CABIN1: variants seen among roughly 807,000 people sequenced by gnomAD.
CABIN1 encodes calcineurin binding protein 1, also known as calcineurin-binding protein cabin-1.
CABIN1 carries 133 observed loss-of-function variants against 227.7 expected under a neutral mutation model. The observed-to-expected ratio is 0.58, with a 90% confidence interval of 0.51 to 0.67. CABIN1 has a LOEUF of 0.67. Among genes scored for constraint, CABIN1 ranks in the 30% least tolerant of loss-of-function variants. The probability of loss-of-function intolerance (pLI) is 0.00; values close to 1 mark genes in which losing one functional copy is unlikely to be tolerated. For missense variants in CABIN1, 2,408 were observed against 2,852.5 expected, an observed-to-expected ratio of 0.84 and a Z score of 3.55; for synonymous variants, 1,086 against 1,155.1, an observed-to-expected ratio of 0.94 and a Z score of 1.21.
At chr22:24,128,450 C>T (rs1462937088) in intron 28 of CABIN1, among the ~76,000 whole-genome samples, 1 of 152,168 alleles carries the variant, frequency 6.6e-6, no homozygotes, top group Non-Finnish European at 1.5e-5. Context: ...TATTCATGTC[C>T]TAGGTTGCTG....
In CABIN1 at chr22:24,153,323, A is replaced by C. The variant is rs537315944; in HGVS notation, c.4747-11077A>C. On this transcript the variant is annotated intron_variant, in intron 29 of 36. Coordinates refer to ENST00000263119, the MANE Select transcript of CABIN1 (RefSeq NM_012295.4). Reference sequence around the variant, plus strand: ...TCATAGGCCTTCAGGAGTGGCCCTGAGGTGGGTAAGCAGTTCTCTCTCTGG... The same window carrying C: ...TCATAGGCCTTCAGGAGTGGCCCTGCGGTGGGTAAGCAGTTCTCTCTCTGG... Among the ~76,000 whole-genome samples the C allele has an allele frequency of 6.6e-5, 10 of 152,240 alleles. No individual in the cohort carries two copies. The South Asian group carries it at 2.1e-3, about 32-fold the overall frequency.
chr22:24,165,651 C>T (rs2046402627), intron 31 of CABIN1, 25 bp downstream of exon 31: 2 of 1,588,664 alleles, frequency 1.3e-6, no homozygotes, highest in East Asian at 4.5e-5. Context: ...TCCTCCTCTC[C>T]TCCACGGCCC....
At chr22:24,091,304 G>A (rs1031782484) in intron 23 of CABIN1, among the ~76,000 whole-genome samples, 7 of 152,174 alleles carry the variant, frequency 4.6e-5, no homozygotes, top group Non-Finnish European at 1.0e-4. Flanking sequence ...TGCATTAGAT[G>A]CTGCAGGGGG....
intron 1 of CABIN1, among the ~76,000 whole-genome samples, chr22:24,033,032 C>G (rs765093835): frequency 2.0e-5 from 3 of 152,180 alleles, no homozygotes; most frequent in Non-Finnish European, 4.4e-5. Context: ...GAGCCGAGAT[C>G]GCGCCACTGC....
At chr22:24,021,912 C>T (rs372640101) in intron 1 of CABIN1, among the ~76,000 whole-genome samples, 2 of 151,598 alleles carry the variant, frequency 1.3e-5, no homozygotes, top group Non-Finnish European at 1.5e-5. Flanking sequence ...CTCGAATCCC[C>T]GACCTCAGGT....
chr22:24,013,775 T>C (rs114992388), intron 1 of CABIN1, among the ~76,000 whole-genome samples: 2,088 of 152,292 alleles, frequency 0.014, 47 homozygotes, highest in African/African-American at 0.047. Flanking sequence ...CCATAACACT[T>C]CCTTAGTCTT....
chr22:24,042,814 C>G (rs1432843535), intron 5 of CABIN1, 90 bp from the exon 6 acceptor site: 1 of 792,990 alleles, frequency 1.3e-6, no homozygotes, highest in African/African-American at 3.3e-5. Context: ...AAGGAGAGAT[C>G]TGACTGTGTG....
At chr22:24,048,168 GT>G (rs527970592) in intron 6 of CABIN1, among the ~76,000 whole-genome samples, 23 of 150,630 alleles carry the variant, frequency 1.5e-4, no homozygotes, top group South Asian at 4.2e-4. Flanking sequence ...TTAATAATAG[GT>G]TTTTTTTTTA....
chr22:24,016,283 G>C (rs2035278468), intron 1 of CABIN1, among the ~76,000 whole-genome samples: 1 of 152,230 alleles, frequency 6.6e-6, no homozygotes, highest in East Asian at 1.9e-4. Context: ...TTCCACTTAG[G>C]ATAATGTTTT....
chr22:24,089,361 A>G (rs1174818674), intron 23 of CABIN1, among the ~76,000 whole-genome samples: 1 of 152,154 alleles, frequency 6.6e-6, no homozygotes, highest in East Asian at 1.9e-4. Context: ...TCCTCTACTT[A>G]GGCTCATAAC....
At chr22:24,041,415 C>A in intron 5 of CABIN1, 142 bp downstream of exon 5, 3 of 1,051,986 alleles carry the variant, frequency 2.9e-6, no homozygotes, top group Non-Finnish European at 4.3e-6. Flanking sequence ...TAGGGTAGGT[C>A]CATAGGTGAT....
chr22:24,076,633 C>CA (rs2040463719), intron 19 of CABIN1, among the ~76,000 whole-genome samples: 1 of 152,162 alleles, frequency 6.6e-6, no homozygotes, highest in South Asian at 2.1e-4. Flanking sequence ...GTAATAACCA[C>CA]ATGCACCACC....
chr22:24,062,869 G>C, intron 13 of CABIN1, 90 bp from the exon 14 acceptor site: 1 of 1,260,600 alleles, frequency 7.9e-7, no homozygotes, highest in Non-Finnish European at 1.2e-6. Context: ...GATAGGGTGG[G>C]TGTGGTTAGG....
chr22:24,022,180 G>A (rs1601650331), intron 1 of CABIN1, among the ~76,000 whole-genome samples: 1 of 152,024 alleles, frequency 6.6e-6, no homozygotes, highest in East Asian at 1.9e-4. Flanking sequence ...ATAGTTCTGT[G>A]ACTTTTGACA....
intron 1 of CABIN1, among the ~76,000 whole-genome samples, chr22:24,019,537 G>A (rs1055385485): frequency 9.9e-5 from 15 of 151,924 alleles, no homozygotes; most frequent in African/African-American, 2.9e-4. Context: ...TTACAGGCAT[G>A]AGCCACCATG....
chr22:24,062,783 C>T (rs528281107), intron 13 of CABIN1, among the ~76,000 whole-genome samples, 176 bp from the exon 14 acceptor site: 1 of 152,154 alleles, frequency 6.6e-6, no homozygotes, highest in South Asian at 2.1e-4. Context: ...ATATCTTTGT[C>T]TTAACTGGTC....
In CABIN1 at chr22:24,098,384, G is replaced by A. The variant is rs935988465; in HGVS notation, c.4117+192G>A. The A allele has an allele frequency of 2.4e-6, 3 of 1,262,636 alleles. No individual in the cohort carries two copies. The Admixed American group carries it at 6.2e-5, about 26-fold the overall frequency. 78.2% of individuals were successfully genotyped at this position (1,262,636 alleles called of 1,614,324 possible). A position where few individuals can be genotyped will look rare whatever the true frequency, so the allele number is the denominator to read the frequency against. ...TCTTGTGCTTCCGAGACATGCTCAG[G>A]GTCGCCACCTGCCAGCTTGCCCACC... On this transcript the variant is annotated intron_variant, in intron 26 of 36. Coordinates refer to ENST00000263119, the MANE Select transcript of CABIN1 (RefSeq NM_012295.4).
intron 26 of CABIN1, among the ~76,000 whole-genome samples, chr22:24,111,232 A>G (rs2042790173): frequency 6.6e-6 from 1 of 152,250 alleles, no homozygotes; most frequent in African/African-American, 2.4e-5. Flanking sequence ...TCATCTAAAC[A>G]TGCTCAGAAC....
In CABIN1 at chr22:24,167,138, C is replaced by T. The variant is rs780617463; in HGVS notation, c.5507C>T (p.Pro1836Leu). The change falls in exon 32 of 37, where the codon CCG (proline) becomes CTG (leucine). Residue 1836 changes from proline (P) to leucine (L), a missense_variant. Transcript: ENST00000263119. ...ACAGGGACCAGGGCAGGGGGCCACC[C>T]GGAGGAGCCGCTCTCCCGGCTCAGC... ...TTTGTRAGGH[P>L]EEPLSRLSRK... 16 of 1,591,850 alleles carry T rather than the reference C, an allele frequency of 1.0e-5. No homozygotes were observed. The African/African-American group carries it at 1.1e-4, about 11-fold the overall frequency.
Sources: gnomAD v4.1 joint callset for allele counts (sites outside exome capture counted in the v4.1 genomes callset) on GRCh38, gnomAD v4.1.1 for gene constraint, MANE v1.5 for transcripts, NCBI Gene and HGNC (gene_info 2026-07-23, HGNC 2026-07-21) for gene names.